Variants in PCDHGB2 observed in about 807,000 individuals in gnomAD.
PCDHGB2 encodes protocadherin gamma subfamily B, 2.
In PCDHGB2, 55 loss-of-function variants were observed where a neutral mutation model predicts 59.3. The ratio of observed to expected loss-of-function variants is 0.93; its 90% CI spans 0.75 to 1.16. The LOEUF (loss-of-function observed/expected upper bound fraction) is 1.16, where lower values mean the gene tolerates loss of function less well. Ranked by LOEUF, PCDHGB2 falls within the 50% of genes most tolerant of loss-of-function variation. The pLI, the probability that PCDHGB2 is intolerant of heterozygous loss-of-function variation, is 0.00. For missense variants in PCDHGB2, 1,228 were observed against 1,198.5 expected (o/e 1.02, Z -0.36); for synonymous variants, 516 against 512.0 (o/e 1.01, Z -0.11).
chr5:141,422,670 C>CA (rs754910458), intron 1 of PCDHGB2: 6 of 1,607,126 alleles, frequency 3.7e-6, no homozygotes, highest in Non-Finnish European at 1.7e-6. Flanking sequence ...TCGACCCGGA[C>CA]AGCAAACAGA....
Position 141,490,122 on chromosome 5 carries a change from C to T in PCDHGB2, c.2422-4685C>T. 3 of 1,614,260 alleles carry T rather than the reference C, an allele frequency of 1.9e-6. No homozygotes were observed. The highest frequency in any genetic ancestry group is 2.5e-6 in the Non-Finnish European group (3 of 1,180,046). On this transcript the variant is annotated intron_variant, in intron 1 of 3. Coordinates refer to ENST00000522605, the MANE Select transcript of PCDHGB2 (RefSeq NM_018923.3). The surrounding 1 kb of genome is among the most constrained non-coding windows in gnomAD (Gnocchi z 5.4). ...CTGAGGCAGTGCGGAACCTCTTTGG[C>T]CTAGACCCTAGCAGTGGGGCAATCC... is the stretch of plus-strand genomic sequence containing the variant.
chr5:141,395,016 G>GTGCC (rs1354536790), intron 1 of PCDHGB2: 2 of 1,613,950 alleles, frequency 1.2e-6, no homozygotes, highest in Non-Finnish European at 1.7e-6. Flanking sequence ...ATTGGTAGGC[G>GTGCC]TGCCTGCCTC....
intron 1 of PCDHGB2, 101 bp downstream of exon 1, chr5:141,362,657 G>A (rs564342376): frequency 1.6e-5 from 23 of 1,396,834 alleles, no homozygotes; most frequent in Admixed American, 2.6e-5. Flanking sequence ...GTTAGATTTG[G>A]CCAATGTTGT....
chr5:141,477,901 C>T lies in PCDHGB2; in HGVS notation c.2422-16906C>T, dbSNP rs2099423750. ...GCCACCTAGTGTCACGGGTGGTAGG[C>T]TGGGACGCGGATGCAGGGCACAATG... On this transcript the variant is annotated intron_variant, in intron 1 of 3. Transcript: ENST00000522605. The surrounding 1 kb of genome is among the most constrained non-coding windows in gnomAD (Gnocchi z 4.9). The T allele has an allele frequency of 1.9e-6, 3 of 1,614,188 alleles. No homozygotes were observed. The highest frequency in any genetic ancestry group is 2.5e-6 in the Non-Finnish European group (3 of 1,180,042).
intron 1 of PCDHGB2, chr5:141,410,184 A>G: frequency 6.2e-7 from 1 of 1,613,918 alleles, no homozygotes; most frequent in Non-Finnish European, 8.5e-7. Flanking sequence ...GCCACGCTTC[A>G]TCTGGTCTTC....
intron 1 of PCDHGB2, chr5:141,419,140 G>A (rs1359933027): frequency 1.2e-6 from 2 of 1,613,750 alleles, no homozygotes; most frequent in East Asian, 2.2e-5. Flanking sequence ...CCACAGACAG[G>A]GGCAAGCCTC....
At chr5:141,484,908 G>T in intron 1 of PCDHGB2, 1 of 415,428 alleles carries the variant, frequency 2.4e-6, no homozygotes, top group East Asian at 4.2e-5. Context: ...ATGCTGCGAC[G>T]CATTAACCCT....
In PCDHGB2 at chr5:141,486,702, T is replaced by C; in HGVS notation, c.2422-8105T>C. On this transcript the variant is annotated intron_variant, in intron 1 of 3. Coordinates refer to ENST00000522605, the MANE Select transcript of PCDHGB2 (RefSeq NM_018923.3). The surrounding 1 kb of genome is among the most constrained non-coding windows in gnomAD (Gnocchi z 5.0). ...GTATCAGCTTCCTCTTTCATCTCTC[T>C]GAACCCCCAGACAGGAGCTGTTCAT... is the stretch of plus-strand genomic sequence containing the variant. 3 of 1,614,218 alleles carry C rather than the reference T, an allele frequency of 1.9e-6. No homozygotes were observed. Among genetic ancestry groups the C allele is most frequent in the Non-Finnish European group, 2.5e-6 (3 of 1,180,040 alleles).
At chr5:141,417,789 C>G in intron 1 of PCDHGB2, 1 of 1,477,596 alleles carries the variant, frequency 6.8e-7, no homozygotes, top group Non-Finnish European at 9.0e-7. Context: ...GGGCCGAATG[C>G]TCTTTTAGCG....
chr5:141,445,361 G>A (rs2098464750), intron 1 of PCDHGB2, among the ~76,000 whole-genome samples: 2 of 152,138 alleles, frequency 1.3e-5, no homozygotes, highest in African/African-American at 4.8e-5. Context: ...GCCCAAGTCT[G>A]GTCCTGGGTG....
intron 1 of PCDHGB2, among the ~76,000 whole-genome samples, chr5:141,457,254 A>G (rs2098914828): frequency 6.6e-6 from 1 of 152,222 alleles, no homozygotes; most frequent in Admixed American, 6.5e-5. Flanking sequence ...TTGCCAACAT[A>G]TAGAATTCCC....
At chr5:141,410,818 T>C (rs567397835) in intron 1 of PCDHGB2, 1 of 556,016 alleles carries the variant, frequency 1.8e-6, no homozygotes, top group African/African-American at 2.1e-5. Context: ...TGTAAAATAA[T>C]GTCACCAGAC....
intron 1 of PCDHGB2, chr5:141,372,478 C>T (rs548499010): frequency 6.2e-7 from 1 of 1,614,068 alleles, no homozygotes; most frequent in South Asian, 1.1e-5. Context: ...CTAGTAGTGG[C>T]GTTGGCCTTG....
At chr5:141,415,257 T>G in intron 1 of PCDHGB2, 1 of 1,614,170 alleles carries the variant, frequency 6.2e-7, no homozygotes, top group Non-Finnish European at 8.5e-7. Flanking sequence ...CAGACCTCAC[T>G]CTGTACCTGG....
chr5:141,417,861 T>A, intron 1 of PCDHGB2: 3 of 1,549,554 alleles, frequency 1.9e-6, no homozygotes, highest in Non-Finnish European at 2.6e-6. Context: ...GAGCGAACGA[T>A]GGGAGGGAGC....
At chr5:141,505,604 G>T (rs772730114) in intron 3 of PCDHGB2, 123 bp downstream of exon 3, 1 of 1,535,418 alleles carries the variant, frequency 6.5e-7, no homozygotes, top group Non-Finnish European at 8.8e-7. Flanking sequence ...CTTTCGGCAG[G>T]TCTGAAAGGA....
chr5:141,496,440 A>G (rs2099768848), intron 2 of PCDHGB2, among the ~76,000 whole-genome samples: 1 of 152,158 alleles, frequency 6.6e-6, no homozygotes, highest in South Asian at 2.1e-4. Flanking sequence ...AAGTTGCTAC[A>G]GATGCTGAGC....
intron 1 of PCDHGB2, among the ~76,000 whole-genome samples, chr5:141,369,471 A>G (rs1182179165): frequency 6.6e-6 from 1 of 152,168 alleles, no homozygotes; most frequent in African/African-American, 2.4e-5. Context: ...GTTCTAGCCC[A>G]GCCTGGGCAA....
intron 1 of PCDHGB2, chr5:141,376,742 A>C (rs1191231453): frequency 2.1e-6 from 1 of 487,580 alleles, no homozygotes; most frequent in Non-Finnish European, 3.5e-6. Flanking sequence ...TGCGGACTGC[A>C]GTGGCGCAAT....
Sources: allele counts gnomAD v4.1 joint callset (sites outside exome capture counted in the v4.1 genomes callset), GRCh38; gene constraint gnomAD v4.1.1; non-coding constraint Gnocchi (gnomAD v3.1); transcripts MANE v1.5; gene names NCBI Gene and HGNC (gene_info 2026-07-23, HGNC 2026-07-21).